Variants in FGF14 observed in about 807,000 individuals in gnomAD.
FGF14 encodes the protein fibroblast growth factor homologous factor 4.
In FGF14, 5 loss-of-function variants were observed where a neutral mutation model predicts 25.5. The ratio of observed to expected loss-of-function variants is 0.20; its 90% CI spans 0.10 to 0.41. The LOEUF (loss-of-function observed/expected upper bound fraction) is 0.41, where lower values mean the gene tolerates loss of function less well. Ranked by LOEUF, FGF14 falls within the 10% of genes least tolerant of loss-of-function variation. The probability of loss-of-function intolerance (pLI) is 1.00; values close to 1 mark genes in which losing one functional copy is unlikely to be tolerated. For synonymous variants in FGF14, 138 were observed against 118.3 expected (o/e 1.17, Z -1.08); for missense variants, 222 against 320.1 (o/e 0.69, Z 2.34).
At chr13:102,213,785 C>A (rs967064453) in intron 1 of FGF14, among the ~76,000 whole-genome samples, 2 of 152,140 alleles carry the variant, frequency 1.3e-5, no homozygotes, top group African/African-American at 2.4e-5. Context: ...ACACTATATA[C>A]CCTCCCTATA....
At chr13:102,004,621 T>C (rs1404558690) in intron 1 of FGF14, among the ~76,000 whole-genome samples, 1 of 152,176 alleles carries the variant, frequency 6.6e-6, no homozygotes, top group African/African-American at 2.4e-5. Context: ...ATCTTATTCC[T>C]CAGTAATTAT....
chr13:101,840,376 T>G (rs764508778), intron 3 of FGF14, among the ~76,000 whole-genome samples: 21 of 151,862 alleles, frequency 1.4e-4, no homozygotes, highest in Non-Finnish European at 2.7e-4. Context: ...GAAGACAACT[T>G]TTTCTTATTT....
chr13:102,007,237 G>A (rs955889686), intron 1 of FGF14, among the ~76,000 whole-genome samples: 5 of 152,182 alleles, frequency 3.3e-5, no homozygotes, highest in Middle Eastern at 3.2e-3. Flanking sequence ...GTTTTCATGA[G>A]TAACAAGGGT....
chr13:101,956,768 CAAAAAAAAAAAAAAA>C (rs2036538577), intron 1 of FGF14, among the ~76,000 whole-genome samples: 1 of 122,588 alleles, frequency 8.2e-6, no homozygotes, highest in South Asian at 2.7e-4. Flanking sequence ...TTCACTTTAC[CAAAAAAAAAAAAAAA>C]GAAAAAGTAA....
At chr13:102,244,719 G>A (rs953600749) in intron 1 of FGF14, among the ~76,000 whole-genome samples, 1 of 151,942 alleles carries the variant, frequency 6.6e-6, no homozygotes, top group African/African-American at 2.4e-5. Context: ...AAAGAATATT[G>A]AAAATGCCAG....
chr13:101,904,727 T>C (rs968081157), intron 1 of FGF14, among the ~76,000 whole-genome samples: 2 of 152,208 alleles, frequency 1.3e-5, no homozygotes, highest in Non-Finnish European at 1.5e-5. Flanking sequence ...CATCTCAGTT[T>C]CACTTGACTA....
At chr13:102,087,572 TG>T (rs2043974241) in intron 1 of FGF14, among the ~76,000 whole-genome samples, 3 of 110,666 alleles carry the variant, frequency 2.7e-5, no homozygotes, top group Non-Finnish European at 3.8e-5. Context: ...CCACCATGCC[TG>T]GCTTTTTTTT....
intron 1 of FGF14, among the ~76,000 whole-genome samples, chr13:101,915,676 T>C (rs904739628): frequency 3.3e-5 from 5 of 152,342 alleles, no homozygotes; most frequent in Admixed American, 2.6e-4. Context: ...GTAAGGTAAC[T>C]ATTCTAGTCA....
chr13:101,953,346 C>T (rs1213710855), intron 1 of FGF14, among the ~76,000 whole-genome samples: 1 of 152,024 alleles, frequency 6.6e-6, no homozygotes, highest in East Asian at 1.9e-4. Flanking sequence ...TCTCTCTACT[C>T]AGCTGAACAC....
intron 3 of FGF14, among the ~76,000 whole-genome samples, chr13:101,824,517 T>G (rs1255042898): frequency 6.6e-6 from 1 of 152,212 alleles, no homozygotes; most frequent in Non-Finnish European, 1.5e-5. Context: ...CATTTTCATC[T>G]AAGGTAAATA....
At chr13:102,152,396 C>T (rs968705220) in intron 1 of FGF14, among the ~76,000 whole-genome samples, 6 of 152,134 alleles carry the variant, frequency 3.9e-5, no homozygotes, top group African/African-American at 9.7e-5. Context: ...TGAAGCTTCC[C>T]TCCTTGGTTT....
At chr13:101,823,242 A>C (rs2042241546) in intron 3 of FGF14, among the ~76,000 whole-genome samples, 1 of 148,554 alleles carries the variant, frequency 6.7e-6, no homozygotes, top group African/African-American at 2.5e-5. Context: ...TTGCTGGGTC[A>C]TATGGCAATT....
At chr13:102,106,839 A>G (rs2044948953) in intron 1 of FGF14, among the ~76,000 whole-genome samples, 1 of 152,216 alleles carries the variant, frequency 6.6e-6, no homozygotes, top group Admixed American at 6.5e-5. Context: ...GTAGTTTATA[A>G]ATAAAAGTTA....
chr13:101,897,034 A>G (rs2030797648), intron 1 of FGF14, among the ~76,000 whole-genome samples: 1 of 152,190 alleles, frequency 6.6e-6, no homozygotes, highest in Admixed American at 6.6e-5. Context: ...CCCAATTCAC[A>G]TTTCCAAACT....
intron 1 of FGF14, among the ~76,000 whole-genome samples, chr13:102,116,409 G>A (rs890867674): frequency 6.6e-6 from 1 of 151,926 alleles, no homozygotes; most frequent in Non-Finnish European, 1.5e-5. Context: ...TGCACGTATA[G>A]GAGTATATTC....
intron 1 of FGF14, among the ~76,000 whole-genome samples, chr13:102,187,616 C>G (rs1220041614): frequency 6.6e-6 from 1 of 152,182 alleles, no homozygotes; most frequent in African/African-American, 2.4e-5. Flanking sequence ...CTCTTTTCCA[C>G]CTTCGTGCCC....
chr13:102,180,825 A>G (rs957274072), intron 1 of FGF14, among the ~76,000 whole-genome samples: 22 of 152,290 alleles, frequency 1.4e-4, no homozygotes, highest in African/African-American at 5.3e-4. Context: ...AATCAAGGAT[A>G]TAGATCATGA....
At chr13:102,182,474 T>C (rs1361060066) in intron 1 of FGF14, among the ~76,000 whole-genome samples, 1 of 152,198 alleles carries the variant, frequency 6.6e-6, no homozygotes, top group African/African-American at 2.4e-5. Context: ...ACGTTATGGC[T>C]GCAACAGAAA....
Position 101,851,356 on chromosome 13 carries a change from T to G in FGF14, c.408+17369A>C, listed in dbSNP as rs1012392382. ...GAAGTATGGGTCAGATTTCTCCCCC[T>G]GAGCCCTCAGAAGGAACCAAGAGTG... is the stretch of plus-strand genomic sequence containing the variant. On this transcript the variant is annotated intron_variant, in intron 3 of 4. Coordinates refer to ENST00000376143, the MANE Select transcript of FGF14 (RefSeq NM_004115.4). Among the ~76,000 whole-genome samples, 7 of 152,028 alleles carry G rather than the reference T, an allele frequency of 4.6e-5. No individual in the cohort carries two copies. In the East Asian group the frequency reaches 1.4e-3, roughly 29 times the overall value.
Sources: allele counts gnomAD v4.1 joint callset (sites outside exome capture counted in the v4.1 genomes callset), GRCh38; gene constraint gnomAD v4.1.1; transcripts MANE v1.5; gene names NCBI Gene and HGNC (gene_info 2026-07-23, HGNC 2026-07-21).